Variants in CKMT2 observed in about 807,000 individuals in gnomAD.
CKMT2 encodes creatine kinase S-type, mitochondrial.
A neutral mutation model predicts 48.9 loss-of-function variants in CKMT2; 43 were observed. The observed-to-expected ratio is 0.88, with a 90% CI of 0.69 to 1.13. CKMT2 has a LOEUF of 1.13. Among genes scored for constraint, CKMT2 ranks in the 50% most tolerant of loss-of-function variants. The pLI is 0.00. For synonymous variants in CKMT2, 206 were observed against 213.0 expected, an observed-to-expected ratio of 0.97 and a Z score of 0.29; for missense variants, 472 against 555.4, an observed-to-expected ratio of 0.85 and a Z score of 1.51.
At chr5:81,243,638 A>G (rs1292709221) in intron 1 of CKMT2, among the ~76,000 whole-genome samples, 1 of 152,100 alleles carries the variant, frequency 6.6e-6, no homozygotes, top group Non-Finnish European at 1.5e-5. Flanking sequence ...GGCCCCCATA[A>G]CAGGCCTTGA....
intron 8 of CKMT2, among the ~76,000 whole-genome samples, chr5:81,260,299 A>AATT (rs1757169576): frequency 6.6e-6 from 1 of 152,190 alleles, no homozygotes; most frequent in Admixed American, 6.5e-5. Context: ...CTAACATCAC[A>AATT]ATTAAAAGAG....
intron 9 of CKMT2, 71 bp from the exon 10 acceptor site, chr5:81,266,068 C>A (rs192007225): frequency 5.0e-5 from 71 of 1,432,498 alleles, no homozygotes; most frequent in Admixed American, 3.8e-4. Context: ...TATCACAGTG[C>A]TGTTCCTGTT....
intron 1 of CKMT2, chr5:81,245,464 G>C (rs576128943): frequency 6.6e-6 from 1 of 152,376 alleles, no homozygotes; most frequent in African/African-American, 2.4e-5. Context: ...GTACCCGATG[G>C]TTCCCTCTCT....
chr5:81,245,991 C>T (rs1365607904), intron 1 of CKMT2, among the ~76,000 whole-genome samples: 1 of 152,054 alleles, frequency 6.6e-6, no homozygotes. Context: ...TCAGCACTGC[C>T]CCAGAATAGA....
At chr5:81,265,030 T>C (rs1350173562) in intron 9 of CKMT2, among the ~76,000 whole-genome samples, 2 of 152,182 alleles carry the variant, frequency 1.3e-5, no homozygotes, top group East Asian at 3.8e-4. Context: ...TTTAATGTTT[T>C]CCTGATTTTA....
At chr5:81,263,730 T>A in intron 9 of CKMT2, 114 bp downstream of exon 9, 1 of 890,132 alleles carries the variant, frequency 1.1e-6, no homozygotes, top group Non-Finnish European at 1.7e-6. Context: ...TCTTCGCCCA[T>A]TGAGTCCTGA....
chr5:81,247,991 T>A (rs1396146736), intron 1 of CKMT2, among the ~76,000 whole-genome samples: 1 of 152,228 alleles, frequency 6.6e-6, no homozygotes, highest in Non-Finnish European at 1.5e-5. Context: ...ATTAATTAAA[T>A]TAGTTCCTTC....
At position 81,266,029 on chromosome 5, in the gene CKMT2, G is replaced by A. The variant is rs1251279869; in HGVS notation, c.1141-110G>A. 4 of 883,508 alleles carry A rather than the reference G, an allele frequency of 4.5e-6. No individual in the cohort carries two copies. The East Asian group carries it at 7.5e-5, about 17-fold the overall frequency. 54.7% of individuals were successfully genotyped at this position (883,508 alleles called of 1,614,324 possible). ...TTTCTGAGAAGGAAGGAATTGTTGT[G>A]AAGTCCATCTAAGTGGCAAGTTCTC... On this transcript the variant is annotated intron_variant, in intron 9 of 9. Coordinates refer to ENST00000254035, the MANE Select transcript of CKMT2 (RefSeq NM_001099735.2).
chr5:81,246,691 C>A (rs1034929533), intron 1 of CKMT2, among the ~76,000 whole-genome samples: 7 of 152,154 alleles, frequency 4.6e-5, no homozygotes, highest in African/African-American at 1.7e-4. Context: ...GAAGCCAATC[C>A]CGGGCTGTAA....
intron 1 of CKMT2, 116 bp from the exon 2 acceptor site, chr5:81,250,997 A>T: frequency 1.4e-6 from 1 of 715,424 alleles, no homozygotes; most frequent in South Asian, 1.7e-5. Context: ...AGAGAGAGAG[A>T]CAGAGACACC....
At chr5:81,237,402 C>A (rs888268229) in intron 1 of CKMT2, among the ~76,000 whole-genome samples, 3 of 152,022 alleles carry the variant, frequency 2.0e-5, no homozygotes, top group Admixed American at 6.5e-5. Flanking sequence ...TGCTGAGGCT[C>A]GGGTGGGTAC....
intron 2 of CKMT2, 132 bp downstream of exon 2, chr5:81,251,416 T>A: frequency 1.1e-6 from 1 of 902,176 alleles, no homozygotes; most frequent in Non-Finnish European, 1.7e-6. Flanking sequence ...TGAAACCCCA[T>A]CTCTACTAAA....
rs976473641 is a variant in CKMT2, at chr5:81,263,471, G to C, written c.1015-20G>C. 1.3e-6 allele frequency: 2 copies of C among 1,583,162 alleles called. No homozygotes were observed. The highest frequency in any genetic ancestry group is 1.7e-5 in the Admixed American group (1 of 57,792). On this transcript the variant is annotated intron_variant, in intron 8 of 9. Transcript: ENST00000254035. Reference sequence around the variant, plus strand: ...CAATTTTGCCTCTTAGCACATTTAAGTATTATCCCTTTGTCCTAGGACCCA... The same window carrying C: ...CAATTTTGCCTCTTAGCACATTTAACTATTATCCCTTTGTCCTAGGACCCA...
At chr5:81,261,440 T>C (rs1757220525) in intron 8 of CKMT2, among the ~76,000 whole-genome samples, 1 of 152,230 alleles carries the variant, frequency 6.6e-6, no homozygotes, top group Non-Finnish European at 1.5e-5. Flanking sequence ...GACATGATTG[T>C]ATATTTAGAA....
At position 81,251,216 on chromosome 5, in the gene CKMT2, C is replaced by A. The variant is rs1349339376; in HGVS notation, c.84C>A (p.Thr28=). 2.5e-6 allele frequency: 4 copies of A among 1,614,164 alleles called. No homozygotes were observed. The highest frequency in any genetic ancestry group is 1.1e-5 in the South Asian group (1 of 91,078). ...CCATGGGCACCAGTGTCCTGACCACCGGGTACCTGCTGAACCGGCAGAAAG... is the reference window on the plus strand; with the variant it reads ...CCATGGGCACCAGTGTCCTGACCACAGGGTACCTGCTGAACCGGCAGAAAG... ...FATMGTSVLT[T]GYLLNRQKVC... The change falls in exon 2 of 10, where the codon ACC becomes ACA. Residue 28 remains threonine (T), a synonymous_variant. Transcript: ENST00000254035.
chr5:81,261,234 T>C (rs145471816), intron 8 of CKMT2, among the ~76,000 whole-genome samples: 161 of 152,302 alleles, frequency 1.1e-3, no homozygotes, highest in African/African-American at 3.7e-3. Context: ...ATAAGAGCTA[T>C]TTATGACAAA....
chr5:81,257,862 A>ATGT lies in CKMT2; in HGVS notation c.879+8_879+10dup, dbSNP rs1204784564. ...TCTGTCGTGGACTAAAAGAAGTAAGATGTTATCTGAGATTTCTGGATATTT... is the reference window on the plus strand; with the variant it reads ...TCTGTCGTGGACTAAAAGAAGTAAGATGTTGTTATCTGAGATTTCTGGATATTT... On this transcript the variant is annotated splice_region_variant and intron_variant, in intron 7 of 9. Coordinates refer to ENST00000254035, the MANE Select transcript of CKMT2 (RefSeq NM_001099735.2). The ATGT allele has an allele frequency of 1.2e-6, 2 of 1,608,054 alleles. No homozygotes were observed. The highest frequency in any genetic ancestry group is 8.5e-7 in the Non-Finnish European group (1 of 1,177,094).
chr5:81,252,228 G>C (rs1297865968), intron 2 of CKMT2: 2 of 182,748 alleles, frequency 1.1e-5, no homozygotes, highest in African/African-American at 4.8e-5. Flanking sequence ...GGATGAGAGA[G>C]ACAAGGAAAA....
At chr5:81,254,186 C>G (rs935686441) in intron 3 of CKMT2, among the ~76,000 whole-genome samples, 5 of 152,112 alleles carry the variant, frequency 3.3e-5, no homozygotes, top group African/African-American at 1.2e-4. Context: ...GGGCAAGATG[C>G]CTTCAAAAGG....
Sources: gnomAD v4.1 joint callset for allele counts (sites outside exome capture counted in the v4.1 genomes callset) on GRCh38, gnomAD v4.1.1 for gene constraint, MANE v1.5 for transcripts, NCBI Gene and HGNC (gene_info 2026-07-23, HGNC 2026-07-21) for gene names.